The following RRH variants were observed in gnomAD, a reference collection of about 807,000 sequenced individuals.
RRH encodes the protein visual pigment-like receptor peropsin.
A neutral mutation model predicts 33.1 loss-of-function variants in RRH; 36 were observed. The ratio of observed to expected loss-of-function variants is 1.09; its 90% CI spans 0.83 to 1.44. The LOEUF is 1.44. Among genes scored for constraint, RRH ranks in the 40% most tolerant of loss-of-function variants. The pLI is 0.00. For synonymous variants in RRH, 124 were observed against 140.2 expected (o/e 0.88, Z 0.82); for missense variants, 393 against 420.2 (o/e 0.94, Z 0.57).
In RRH at chr4:109,831,734, A is replaced by C. The variant is rs538007915; in HGVS notation, c.107-1405A>C. Reference sequence around the variant, plus strand: ...GACAAGTGTAGAAATTTGCTTCTAGAGAGTGACAACAGATGAGGCAAAGAG... The same window carrying C: ...GACAAGTGTAGAAATTTGCTTCTAGCGAGTGACAACAGATGAGGCAAAGAG... On this transcript the variant is annotated intron_variant, in intron 1 of 6. Transcript: ENST00000317735. Among the ~76,000 whole-genome samples the C allele has an allele frequency of 1.3e-5, 2 of 152,272 alleles. 1 individual carries two copies. Among genetic ancestry groups the C allele is most frequent in the African/African-American group, 4.8e-5 (2 of 41,558 alleles).
chr4:109,828,664 G>A (rs758621231), intron 1 of RRH, among the ~76,000 whole-genome samples: 4 of 151,982 alleles, frequency 2.6e-5, no homozygotes, highest in Non-Finnish European at 5.9e-5. Context: ...TTGTCATTGA[G>A]GACAGAGTCT....
intron 6 of RRH, 22 bp downstream of exon 6, chr4:109,842,669 T>C: frequency 6.3e-7 from 1 of 1,588,812 alleles, no homozygotes; most frequent in Non-Finnish European, 8.6e-7. Context: ...CTAAAATGCT[T>C]GCAGTACAAA....
chr4:109,842,640 A>G lies in RRH; in HGVS notation c.892A>G (p.Asn298Asp), dbSNP rs760532711. The G allele has an allele frequency of 1.2e-6, 2 of 1,612,024 alleles. No individual in the cohort carries two copies. The highest frequency in any genetic ancestry group is 2.2e-5 in the East Asian group (1 of 44,890). The change falls in exon 6 of 7, where the codon AAT becomes GAT. Residue 298 changes from asparagine (N) to aspartate (D), a missense_variant. Transcript: ENST00000317735. ...FYNPCIYVVA[N>D]KKFRRAMLAM... ...TAACCCCTGCATTTATGTGGTTGCT[A>G]ATAAAAAGTAAGTAATGTCTAAAAT...
At position 109,833,294 on chromosome 4, in the gene RRH, T is replaced by C. The variant is rs1270664018; in HGVS notation, c.262T>C (p.Tyr88His). ...TCCCATGTCTGCTGCCTCAGATCTG[T>C]ATGGAAGTTGGAAATTTGGATACGC... ...GYPMSAASDL[Y>H]GSWKFGYAGC... The change falls in exon 2 of 7, where the codon TAT (tyrosine) becomes CAT (histidine). Residue 88 changes from tyrosine (Y) to histidine (H), a missense_variant. Tyr to His is a moderately conservative substitution (Grantham distance 83). Coordinates refer to ENST00000317735, the MANE Select transcript of RRH (RefSeq NM_006583.5). The C allele has an allele frequency of 6.2e-7, 1 of 1,614,012 alleles. No individual in the cohort carries two copies. Among genetic ancestry groups the C allele is most frequent in the South Asian group, 1.1e-5 (1 of 91,070 alleles).
Position 109,830,272 on chromosome 4 carries a change from A to G in RRH, c.106+2139A>G, listed in dbSNP as rs537585449. Among the ~76,000 whole-genome samples the G allele has an allele frequency of 2.6e-5, 4 of 152,244 alleles. No homozygotes were observed. The East Asian group carries it at 7.7e-4, about 29-fold the overall frequency. ...TGAAAAAGATGGCTGAGTACCAGAC[A>G]GTGATGAGCCGTGTAAGTTTTAAAG... On this transcript the variant is annotated intron_variant, in intron 1 of 6. Transcript: ENST00000317735.
chr4:109,829,350 C>A (rs1480754616), intron 1 of RRH, among the ~76,000 whole-genome samples: 1 of 151,102 alleles, frequency 6.6e-6, no homozygotes, highest in African/African-American at 2.4e-5. Flanking sequence ...CTGAGAAAAT[C>A]TCCTAACAAT....
At chr4:109,838,425 C>G (rs780570838) in intron 5 of RRH, among the ~76,000 whole-genome samples, 6 of 152,154 alleles carry the variant, frequency 3.9e-5, no homozygotes, top group Non-Finnish European at 7.4e-5. Context: ...CCAACATCCT[C>G]AGGCCTCCCT....
chr4:109,841,972 A>G (rs1012888720), intron 5 of RRH, among the ~76,000 whole-genome samples: 1 of 152,204 alleles, frequency 6.6e-6, no homozygotes, highest in African/African-American at 2.4e-5. Flanking sequence ...ACTGAGCTCA[A>G]GATAGGATTG....
intron 6 of RRH, among the ~76,000 whole-genome samples, chr4:109,843,541 G>A (rs1375635192): frequency 2.0e-5 from 3 of 152,208 alleles, no homozygotes; most frequent in African/African-American, 7.2e-5. Context: ...GAATGGCAAT[G>A]TTTGGAAAAG....
rs1251645449 is a variant in RRH at position 109,835,451 on chromosome 4, G to A, written c.383G>A (p.Cys128Tyr). 6 of 1,613,002 alleles carry A rather than the reference G, an allele frequency of 3.7e-6. No homozygotes were observed. Among genetic ancestry groups the A allele is most frequent in the Non-Finnish European group, 5.1e-6 (6 of 1,179,140 alleles). Residue 128 changes from cysteine to tyrosine, a missense_variant, in exon 3 of 7, where the codon TGC becomes TAC. By Grantham distance (194) the Cys-to-Tyr change is radical (BLOSUM62 -2). Coordinates refer to ENST00000317735, the MANE Select transcript of RRH (RefSeq NM_006583.5). ...VVAVDRYLTICLPDVGRRMTT... is the reference protein window; with the variant it reads ...VVAVDRYLTIYLPDVGRRMTT... Reference sequence around the variant, plus strand: ...GCTGTGGACCGATACCTGACCATCTGCCTTCCTGACGTAGGTACAACACTT... The same window carrying A: ...GCTGTGGACCGATACCTGACCATCTACCTTCCTGACGTAGGTACAACACTT...
At chr4:109,830,237 G>C (rs1733720770) in intron 1 of RRH, among the ~76,000 whole-genome samples, 1 of 152,072 alleles carries the variant, frequency 6.6e-6, no homozygotes. Context: ...TAAAATGAAG[G>C]GTGAGAGGTT....
At chr4:109,832,285 A>G (rs1733772005) in intron 1 of RRH, among the ~76,000 whole-genome samples, 1 of 149,888 alleles carries the variant, frequency 6.7e-6, no homozygotes, top group Admixed American at 6.7e-5. Context: ...TGTAAAATAA[A>G]ACAGTGGCAT....
chr4:109,835,981 C>T, intron 3 of RRH, 26 bp from the exon 4 acceptor site: 1 of 1,613,664 alleles, frequency 6.2e-7, no homozygotes, highest in Non-Finnish European at 8.5e-7. Context: ...GCAAATGTTG[C>T]TAATATTTCC....
intron 1 of RRH, among the ~76,000 whole-genome samples, chr4:109,829,450 C>T (rs897634614): frequency 3.3e-5 from 5 of 150,454 alleles, no homozygotes; most frequent in African/African-American, 7.3e-5. Flanking sequence ...ACAACCAAAA[C>T]TATCCTTTTT....
intron 5 of RRH, among the ~76,000 whole-genome samples, chr4:109,842,062 A>G (rs2125894509): frequency 6.6e-6 from 1 of 152,316 alleles, no homozygotes; most frequent in South Asian, 2.1e-4. Flanking sequence ...AGAGCAAATA[A>G]TAATGATGGT....
intron 3 of RRH, 73 bp from the exon 4 acceptor site, chr4:109,835,934 C>A: frequency 1.3e-6 from 2 of 1,579,070 alleles, no homozygotes; most frequent in Non-Finnish European, 1.7e-6. Flanking sequence ...ATAACACTTA[C>A]AAATCAAGCA....
In RRH at chr4:109,829,861, G is replaced by T. The variant is rs78475545; in HGVS notation, c.106+1728G>T. ...TGGATCCACTGAAGGAAGCATAGCT[G>T]AACTCTTTATGCTTTTGTTCTGCCC... On this transcript the variant is annotated intron_variant, in intron 1 of 6. Transcript: ENST00000317735. 0.011 allele frequency among the ~76,000 whole-genome samples: 1,740 copies of T among 152,220 alleles called. 90 individuals carry two copies. The East Asian group carries it at 0.13, about 12-fold the overall frequency.
rs1733802208 is a variant in RRH at position 109,833,341 on chromosome 4, C to G, written c.297+12C>G. The G allele has an allele frequency of 6.2e-7, 1 of 1,606,950 alleles. No individual in the cohort carries two copies. Among genetic ancestry groups the G allele is most frequent in the Admixed American group, 1.7e-5 (1 of 59,930 alleles). The stretch of plus-strand genomic sequence containing the variant: ...ACGCAGGCTGTCAGGTATTGGAGAT[C>G]ATTGGAATGAAAGCAAAATAAATAG... On this transcript the variant is annotated intron_variant, in intron 2 of 6. Transcript: ENST00000317735.
In RRH at chr4:109,844,365, T is replaced by A; in HGVS notation, c.*168T>A. Reference sequence around the variant, plus strand: ...TGTTTGTGCACTCTGGCTGCTGTAGTGTATGCTTCTCTGTGTCCTGATATA... The same window carrying A: ...TGTTTGTGCACTCTGGCTGCTGTAGAGTATGCTTCTCTGTGTCCTGATATA... On this transcript the variant is annotated 3_prime_UTR_variant, in exon 7 of 7. Transcript: ENST00000317735. 1 of 552,366 alleles carries A rather than the reference T, an allele frequency of 1.8e-6. No individual in the cohort carries two copies. Among genetic ancestry groups the A allele is most frequent in the South Asian group, 1.9e-5 (1 of 52,916 alleles). 34.2% of individuals were successfully genotyped at this position (552,366 alleles called of 1,614,324 possible).
Sources: gnomAD v4.1 joint callset for allele counts (sites outside exome capture counted in the v4.1 genomes callset) on GRCh38, gnomAD v4.1.1 for gene constraint, MANE v1.5 for transcripts, NCBI Gene and HGNC (gene_info 2026-07-23, HGNC 2026-07-21) for gene names.